Variants in CAMK4 observed in about 807,000 individuals in gnomAD.
CAMK4 encodes calcium/calmodulin dependent protein kinase IV, also known as calcium/calmodulin-dependent protein kinase type IV.
A neutral mutation model predicts 44.9 loss-of-function variants in CAMK4; 22 were observed. That is an observed-to-expected ratio of 0.49 (90% CI 0.35 to 0.70). CAMK4 has a LOEUF of 0.70. CAMK4 is among the 30% of genes least tolerant of loss of function. The pLI is 0.01. For missense variants in CAMK4, 498 were observed against 586.8 expected (o/e 0.85, Z 1.56); for synonymous variants, 218 against 215.4 (o/e 1.01, Z -0.11).
At chr5:111,454,440 A>G (rs924120002) in intron 7 of CAMK4, among the ~76,000 whole-genome samples, 10 of 152,210 alleles carry the variant, frequency 6.6e-5, no homozygotes, top group African/African-American at 1.9e-4. Flanking sequence ...CGCAAAAGAA[A>G]AATCACAGAT....
chr5:111,270,505 C>A (rs532608214), intron 1 of CAMK4, among the ~76,000 whole-genome samples: 5 of 152,316 alleles, frequency 3.3e-5, no homozygotes, highest in Admixed American at 3.3e-4. Flanking sequence ...ACTGACATCC[C>A]AACCTTGGAT....
intron 4 of CAMK4, among the ~76,000 whole-genome samples, chr5:111,391,174 A>G (rs1361819777): frequency 6.6e-6 from 1 of 152,192 alleles, no homozygotes; most frequent in African/African-American, 2.4e-5. Context: ...ACTGCTAGGA[A>G]GAGAATCCAA....
intron 5 of CAMK4, among the ~76,000 whole-genome samples, chr5:111,408,911 C>G (rs537743176): frequency 6.6e-6 from 1 of 152,196 alleles, no homozygotes; most frequent in African/African-American, 2.4e-5. Flanking sequence ...TGTCTCACCT[C>G]CAGATCATGC....
chr5:111,317,351 A>G (rs1445971948), intron 1 of CAMK4, among the ~76,000 whole-genome samples: 1 of 152,138 alleles, frequency 6.6e-6, no homozygotes, highest in Admixed American at 6.6e-5. Flanking sequence ...TTCAAGGAGT[A>G]TATTGTTAAC....
At chr5:111,365,849 C>A (rs1750773452) in intron 2 of CAMK4, among the ~76,000 whole-genome samples, 1 of 152,080 alleles carries the variant, frequency 6.6e-6, no homozygotes, top group Non-Finnish European at 1.5e-5. Flanking sequence ...GTACCAGCCT[C>A]ATGTAGGAAA....
chr5:111,293,047 G>A (rs1299951190), intron 1 of CAMK4, among the ~76,000 whole-genome samples: 4 of 152,100 alleles, frequency 2.6e-5, no homozygotes, highest in East Asian at 1.9e-4. Context: ...ATTTTATATC[G>A]GAAGCATTGA....
chr5:111,491,548 A>G lies in CAMK4; in HGVS notation c.*7082A>G, dbSNP rs1755834856. ...ACAACAATAATTGTGCTGGAGATAG[A>G]TACAACTTAGTGAAATTTTCCTACA... On this transcript the variant is annotated 3_prime_UTR_variant, in exon 11 of 11. Coordinates refer to ENST00000282356, the MANE Select transcript of CAMK4 (RefSeq NM_001744.6). The G allele has an allele frequency of 6.6e-6, 1 of 152,128 alleles. No homozygotes were observed. Among genetic ancestry groups the G allele is most frequent in the African/African-American group, 2.4e-5 (1 of 41,430 alleles). The allele number at this position is 152,128 out of a possible 1,614,324, so 9.4% of individuals were successfully genotyped here. A position where few individuals can be genotyped will look rare whatever the true frequency, so the allele number is the denominator to read the frequency against.
chr5:111,286,630 A>C (rs1211657488), intron 1 of CAMK4, among the ~76,000 whole-genome samples: 1 of 152,194 alleles, frequency 6.6e-6, no homozygotes, highest in Non-Finnish European at 1.5e-5. Flanking sequence ...GCTATTTGCT[A>C]TGTATCTAAC....
rs181895226 is a variant in CAMK4, at chr5:111,489,220, C to A, written c.*4754C>A. 1 of 152,196 alleles carries A rather than the reference C, an allele frequency of 6.6e-6. No individual in the cohort carries two copies. The allele number at this position is 152,196 out of a possible 1,614,324, so 9.4% of individuals were successfully genotyped here. A position where few individuals can be genotyped will look rare whatever the true frequency, so the allele number is the denominator to read the frequency against. The stretch of plus-strand genomic sequence containing the variant: ...AGTCCTTTTATTCCCCTGACACACT[C>A]AGGGTGAATTTTTGTCTCCTTGGCA... On this transcript the variant is annotated 3_prime_UTR_variant, in exon 11 of 11. Coordinates refer to ENST00000282356, the MANE Select transcript of CAMK4 (RefSeq NM_001744.6).
chr5:111,281,701 A>G (rs183046202), intron 1 of CAMK4, among the ~76,000 whole-genome samples: 13 of 152,338 alleles, frequency 8.5e-5, no homozygotes, highest in African/African-American at 3.1e-4. Context: ...AATTACATAT[A>G]TCAAGATAGA....
At chr5:111,399,794 G>C (rs1035647857) in intron 5 of CAMK4, among the ~76,000 whole-genome samples, 1 of 152,000 alleles carries the variant, frequency 6.6e-6, no homozygotes, top group South Asian at 2.1e-4. Flanking sequence ...ACCTTCCTCG[G>C]TATGTTCTTT....
intron 5 of CAMK4, among the ~76,000 whole-genome samples, chr5:111,399,862 G>A (rs1752158693): frequency 6.6e-6 from 1 of 152,100 alleles, no homozygotes; most frequent in Non-Finnish European, 1.5e-5. Flanking sequence ...ATTACAGTGG[G>A]TATGCCTCAA....
At chr5:111,315,040 C>G (rs753635764) in intron 1 of CAMK4, among the ~76,000 whole-genome samples, 1 of 152,092 alleles carries the variant, frequency 6.6e-6, no homozygotes, top group Non-Finnish European at 1.5e-5. Context: ...CTGTTCAAGA[C>G]ACTTGGTTTC....
intron 2 of CAMK4, among the ~76,000 whole-genome samples, chr5:111,366,870 G>T (rs192093766): frequency 1.3e-5 from 2 of 151,674 alleles, no homozygotes; most frequent in Non-Finnish European, 1.5e-5. Flanking sequence ...TTTTTTCTGT[G>T]TATAAGCTTC....
intron 1 of CAMK4, among the ~76,000 whole-genome samples, chr5:111,332,685 G>C (rs943786012): frequency 6.6e-6 from 1 of 151,482 alleles, no homozygotes; most frequent in Non-Finnish European, 1.5e-5. Flanking sequence ...AAAGATGCAG[G>C]GTGAGATTTC....
At chr5:111,475,597 G>A (rs940917167) in intron 8 of CAMK4, among the ~76,000 whole-genome samples, 3 of 152,216 alleles carry the variant, frequency 2.0e-5, no homozygotes, top group Admixed American at 1.3e-4. Flanking sequence ...ATACACTTTA[G>A]GTAATTAATT....
Position 111,487,616 on chromosome 5 carries a change from C to T in CAMK4, c.*3150C>T, listed in dbSNP as rs1381231152. 6.6e-6 allele frequency: 1 copy of T among 152,004 alleles called. No homozygotes were observed. The highest frequency in any genetic ancestry group is 1.5e-5 in the Non-Finnish European group (1 of 68,008). 9.4% of individuals were successfully genotyped at this position (152,004 alleles called of 1,614,324 possible). ...CCAAATTATTCTATCGATATATAGT[C>T]AATATTAAAATTTAATGTGATATTT... On this transcript the variant is annotated 3_prime_UTR_variant, in exon 11 of 11. Coordinates refer to ENST00000282356, the MANE Select transcript of CAMK4 (RefSeq NM_001744.6).
chr5:111,425,575 C>T (rs984699193), intron 5 of CAMK4, among the ~76,000 whole-genome samples: 9 of 152,098 alleles, frequency 5.9e-5, no homozygotes, highest in Non-Finnish European at 8.8e-5. Flanking sequence ...CATTCATTTG[C>T]CCAACTTTTT....
intron 1 of CAMK4, among the ~76,000 whole-genome samples, chr5:111,321,115 G>T (rs1748645034): frequency 6.6e-6 from 1 of 152,080 alleles, no homozygotes; most frequent in Non-Finnish European, 1.5e-5. Flanking sequence ...CTCTGCTTTG[G>T]TTACCAGGAA....
Sources: gnomAD v4.1 joint callset for allele counts (sites outside exome capture counted in the v4.1 genomes callset) on GRCh38, gnomAD v4.1.1 for gene constraint, MANE v1.5 for transcripts, NCBI Gene and HGNC (gene_info 2026-07-23, HGNC 2026-07-21) for gene names.